The following ITSN2 variants were observed in gnomAD, a reference collection of about 807,000 sequenced individuals.
ITSN2 encodes intersectin 2.
ITSN2 carries 156 observed loss-of-function variants against 243.7 expected under a neutral mutation model. The ratio of observed to expected loss-of-function variants is 0.64; its 90% CI spans 0.56 to 0.73. The LOEUF is 0.73. Among genes scored for constraint, ITSN2 ranks in the 30% least tolerant of loss-of-function variants. ITSN2 has a pLI of 0.00. For synonymous variants in ITSN2, 703 were observed against 699.9 expected (o/e 1.00, Z -0.07); for missense variants, 1,801 against 1,996.1 (o/e 0.90, Z 1.86).
chr2:24,338,398 C>A (rs1446091504), intron 1 of ITSN2, among the ~76,000 whole-genome samples: 2 of 152,142 alleles, frequency 1.3e-5, no homozygotes, highest in African/African-American at 4.8e-5. Context: ...CTCTTGTCTC[C>A]CTAAAATGTA....
chr2:24,289,749 C>G (rs1022361339), intron 15 of ITSN2, among the ~76,000 whole-genome samples: 2 of 152,150 alleles, frequency 1.3e-5, no homozygotes, highest in African/African-American at 4.8e-5. Flanking sequence ...TTCAATGTGG[C>G]CCAACACAAA....
In ITSN2 at chr2:24,310,311, T is replaced by C; in HGVS notation, c.626A>G (p.Gln209Arg). Residue 209 changes from glutamine to arginine, a missense_variant, in exon 7 of 40, where the codon CAG (glutamine) becomes CGG (arginine). Physicochemically the swap from Gln to Arg is conservative, Grantham distance 43. Around this residue, in one of 5 missense-constraint regions of ITSN2, gnomAD observed 787 missense variants for 803.9 expected, o/e 0.98. Coordinates refer to ENST00000355123, the MANE Select transcript of ITSN2 (RefSeq NM_006277.3). ...GFGGASIQKAQSLIDLGSSSS... is the reference protein window; with the variant it reads ...GFGGASIQKARSLIDLGSSSS... ...ACTAGATCCTAAATCAATCAGAGAC[T>C]GCGCTTTCTGTATACTAGCACCTCC... The C allele has an allele frequency of 6.2e-7, 1 of 1,613,152 alleles. No individual in the cohort carries two copies. The highest frequency in any genetic ancestry group is 8.5e-7 in the Non-Finnish European group (1 of 1,179,638).
intron 1 of ITSN2, among the ~76,000 whole-genome samples, chr2:24,339,057 A>C (rs1031875619): frequency 6.6e-6 from 1 of 152,160 alleles, no homozygotes; most frequent in African/African-American, 2.4e-5. Flanking sequence ...AAAGAAAGGA[A>C]GTTTCTGAGC....
At chr2:24,320,725 A>G (rs1205838996) in intron 2 of ITSN2, among the ~76,000 whole-genome samples, 1 of 93,932 alleles carries the variant, frequency 1.1e-5, no homozygotes, top group Non-Finnish European at 2.1e-5. Context: ...ACAAACAACA[A>G]CAACAACCAC....
At chr2:24,339,083 G>C (rs1686754873) in intron 1 of ITSN2, among the ~76,000 whole-genome samples, 1 of 152,114 alleles carries the variant, frequency 6.6e-6, no homozygotes, top group African/African-American at 2.4e-5. Context: ...AGAAGGACTA[G>C]TTAAAAGAAG....
chr2:24,348,027 G>A (rs1558665748), intron 1 of ITSN2, among the ~76,000 whole-genome samples: 2 of 151,836 alleles, frequency 1.3e-5, no homozygotes, highest in Admixed American at 6.6e-5. Flanking sequence ...AGTGAGCTAT[G>A]AACATGAGAC....
intron 1 of ITSN2, among the ~76,000 whole-genome samples, chr2:24,340,437 C>CG (rs1686927355): frequency 6.7e-6 from 1 of 149,924 alleles, no homozygotes; most frequent in Non-Finnish European, 1.5e-5. Context: ...ACTGAGATCA[C>CG]GTCACTGCAC....
chr2:24,327,931 G>T, intron 2 of ITSN2, 121 bp downstream of exon 2: 1 of 826,206 alleles, frequency 1.2e-6, no homozygotes, highest in South Asian at 1.7e-5. Context: ...TATTTTCCAA[G>T]AATACTTCAA....
chr2:24,278,225 T>C (rs930753938), intron 17 of ITSN2, among the ~76,000 whole-genome samples: 1 of 152,168 alleles, frequency 6.6e-6, no homozygotes, highest in Admixed American at 6.5e-5. Flanking sequence ...ACTAACCCTA[T>C]TCCCTGCAGT....
chr2:24,274,539 A>C (rs1470377781), intron 18 of ITSN2, among the ~76,000 whole-genome samples: 1 of 152,202 alleles, frequency 6.6e-6, no homozygotes, highest in Non-Finnish European at 1.5e-5. Context: ...ATACCACTGC[A>C]ATCCAGCCTC....
In ITSN2 at chr2:24,204,571, T is replaced by G; in HGVS notation, c.4763-153A>C. The G allele has an allele frequency of 1.4e-6, 1 of 727,506 alleles. No individual in the cohort carries two copies. The highest frequency in any genetic ancestry group is 2.5e-6 in the Non-Finnish European group (1 of 405,734). 45.1% of individuals were successfully genotyped at this position (727,506 alleles called of 1,614,324 possible). ...TGCCTGGGGCACCATATCCCTGTGG[T>G]CTAGTAACAGGGTCTCCAAGTTCCC... is the stretch of plus-strand genomic sequence containing the variant. On this transcript the variant is annotated intron_variant, in intron 38 of 39. Transcript: ENST00000355123. The surrounding 1 kb of genome is among the most constrained non-coding windows in gnomAD (Gnocchi z 5.1).
chr2:24,255,466 T>A (rs1452775589), intron 23 of ITSN2, among the ~76,000 whole-genome samples: 1 of 148,776 alleles, frequency 6.7e-6, no homozygotes, highest in Non-Finnish European at 1.5e-5. Context: ...TTGTCTCTAC[T>A]AAAATACAAA....
chr2:24,328,581 G>T (rs1292777792), intron 1 of ITSN2, among the ~76,000 whole-genome samples: 2 of 151,782 alleles, frequency 1.3e-5, no homozygotes, highest in African/African-American at 4.8e-5. Flanking sequence ...TCATACCTTG[G>T]CCACCTGAGT....
chr2:24,346,472 C>T (rs1284608412), intron 1 of ITSN2, among the ~76,000 whole-genome samples: 1 of 152,032 alleles, frequency 6.6e-6, no homozygotes, highest in Non-Finnish European at 1.5e-5. Context: ...CTAAGAGGAG[C>T]CTAAGGAGAC....
At chr2:24,280,970 CG>C (rs1178781474) in intron 17 of ITSN2, among the ~76,000 whole-genome samples, 3 of 152,178 alleles carry the variant, frequency 2.0e-5, no homozygotes, top group Non-Finnish European at 2.9e-5. Flanking sequence ...ATTCTTCAAA[CG>C]TAAGTTCTTA....
chr2:24,215,894 C>G (rs1017385838), intron 32 of ITSN2, among the ~76,000 whole-genome samples, 155 bp downstream of exon 32: 3 of 152,074 alleles, frequency 2.0e-5, no homozygotes, highest in Admixed American at 6.6e-5. Flanking sequence ...AAAGGCAACA[C>G]AAAACAATCG....
chr2:24,358,277 TA>T (rs1394442939), intron 1 of ITSN2, among the ~76,000 whole-genome samples: 1 of 152,214 alleles, frequency 6.6e-6, no homozygotes, highest in Non-Finnish European at 1.5e-5. Flanking sequence ...GTGCTGCAGT[TA>T]AAAGGATCTT....
At chr2:24,230,310 T>C (rs1671457213) in intron 29 of ITSN2, among the ~76,000 whole-genome samples, 1 of 152,198 alleles carries the variant, frequency 6.6e-6, no homozygotes, top group Admixed American at 6.5e-5. Context: ...AGACCACTTC[T>C]CACACGTCCC....
intron 13 of ITSN2, among the ~76,000 whole-genome samples, chr2:24,297,357 GCCAGATCTTTTATACCTTCTCA>G (rs990517708): frequency 1.1e-4 from 17 of 152,254 alleles, no homozygotes; most frequent in Non-Finnish European, 2.2e-4. Context: ...GCAGAATAGT[GCCAGATCTTTTATACCTTCTCA>G]CCACACATTT....
Sources: allele counts gnomAD v4.1 joint callset (sites outside exome capture counted in the v4.1 genomes callset), GRCh38; gene constraint gnomAD v4.1.1; regional missense constraint gnomAD v4.1.1; non-coding constraint Gnocchi (gnomAD v3.1); transcripts MANE v1.5; gene names NCBI Gene and HGNC (gene_info 2026-07-23, HGNC 2026-07-21).